USP50: variants seen among roughly 807,000 people sequenced by gnomAD.
USP50 encodes ubiquitin carboxyl-terminal hydrolase 50.
In USP50, 37 loss-of-function variants were observed where a neutral mutation model predicts 39.2. The ratio of observed to expected loss-of-function variants is 0.94; its 90% CI spans 0.73 to 1.24. USP50 has a LOEUF of 1.24. USP50 is among the 50% of genes most tolerant of loss of function. The pLI is 0.00. For synonymous variants in USP50, 139 were observed against 144.5 expected (o/e 0.96, Z 0.27); for missense variants, 374 against 398.2 (o/e 0.94, Z 0.52).
At chr15:50,497,237 G>A (rs185890032), downstream of USP50, 11 of 1,595,762 alleles carry the variant, frequency 6.9e-6, no homozygotes, top group East Asian at 2.0e-4. Flanking sequence ...AAACGGTAAA[G>A]GGGAAAGTTT....
chr15:50,526,718 C>CG (rs2052901230), intron 6 of USP50, among the ~76,000 whole-genome samples: 1 of 152,274 alleles, frequency 6.6e-6, no homozygotes, highest in Non-Finnish European at 1.5e-5. Flanking sequence ...CAATCAGAGG[C>CG]AGCACAATGT....
At position 50,546,499 on chromosome 15, in the gene USP50, T is replaced by A; in HGVS notation, c.27A>T (p.Ala9=). The part of the protein sequence containing the change: MTSQPSLP[A]DDFDIYHVLA... ...GGACGTGGTAGATATCGAAGTCATC[T>A]GCAGGGAGAGACGGCTGAGAAGTCA... The change falls in exon 1 of 7, where the codon GCA becomes GCT. Residue 9 remains alanine, a synonymous_variant. Coordinates refer to ENST00000532404, the MANE Select transcript of USP50 (RefSeq NM_203494.5). 1 of 1,613,800 alleles carries A rather than the reference T, an allele frequency of 6.2e-7. No individual in the cohort carries two copies. Among genetic ancestry groups the A allele is most frequent in the South Asian group, 1.1e-5 (1 of 91,086 alleles).
chr15:50,494,964 G>A (rs1038891190), intron 1 of USP50, among the ~76,000 whole-genome samples: 1 of 150,622 alleles, frequency 6.6e-6, no homozygotes. Flanking sequence ...GCAGTGAGCC[G>A]AGATTGCAGT....
At chr15:50,532,911 T>C (rs2141373160) in intron 5 of USP50, among the ~76,000 whole-genome samples, 1 of 152,318 alleles carries the variant, frequency 6.6e-6, no homozygotes, top group African/African-American at 2.4e-5. Context: ...ATGTGAAGAA[T>C]GCCTCTGATG....
chr15:50,516,809 G>C (rs1208337105), intron 6 of USP50, among the ~76,000 whole-genome samples: 1 of 151,622 alleles, frequency 6.6e-6, no homozygotes, highest in Non-Finnish European at 1.5e-5. Flanking sequence ...GTCAAAAACT[G>C]TAAACTGAGA....
At chr15:50,522,406 C>T (rs2052857550) in intron 6 of USP50, among the ~76,000 whole-genome samples, 1 of 152,118 alleles carries the variant, frequency 6.6e-6, no homozygotes, top group Non-Finnish European at 1.5e-5. Context: ...AATAAAGTCT[C>T]CCATCAAAGA....
intron 6 of USP50, among the ~76,000 whole-genome samples, chr15:50,523,175 C>CG (rs563895575): frequency 9.6e-6 from 1 of 104,208 alleles, no homozygotes; most frequent in Non-Finnish European, 1.8e-5. Context: ...AAATCAGTAG[C>CG]TTTTTTTTTT....
downstream of USP50, chr15:50,495,797 A>G (rs1023964901): frequency 5.7e-6 from 8 of 1,398,280 alleles, no homozygotes; most frequent in East Asian, 9.5e-5. Flanking sequence ...CTTTCAATTT[A>G]AATGTTTTCT....
chr15:50,494,139 A>C, intron 1 of USP50: 1 of 1,612,494 alleles, frequency 6.2e-7, no homozygotes, highest in Non-Finnish European at 8.5e-7. Flanking sequence ...CCCTGTGGAC[A>C]GGACAGTATA....
intron 6 of USP50, among the ~76,000 whole-genome samples, chr15:50,527,748 C>T (rs2052909910): frequency 6.6e-6 from 1 of 151,838 alleles, no homozygotes; most frequent in Non-Finnish European, 1.5e-5. Context: ...AATTCTCCTG[C>T]CTCAGCCTCC....
chr15:50,526,529 A>G (rs954479970), intron 6 of USP50, among the ~76,000 whole-genome samples: 1 of 152,220 alleles, frequency 6.6e-6, no homozygotes, highest in Non-Finnish European at 1.5e-5. Context: ...ATTTCCAAAT[A>G]TTTGAAGGAA....
chr15:50,532,023 C>T, intron 5 of USP50: 1 of 422,898 alleles, frequency 2.4e-6, no homozygotes, highest in Non-Finnish European at 4.7e-6. Flanking sequence ...AGAGCCAAAA[C>T]TGCCGAGCAG....
At chr15:50,513,481 C>T (rs908313026) in intron 6 of USP50, 35 of 144,724 alleles carry the variant, frequency 2.4e-4, no homozygotes, top group African/African-American at 8.7e-4. Context: ...AGGTGGATCA[C>T]CTGAGGTCAT....
intron 6 of USP50, chr15:50,513,739 G>A (rs986478642): frequency 4.6e-5 from 7 of 152,142 alleles, no homozygotes; most frequent in South Asian, 2.1e-4. Flanking sequence ...GCAACCAGAA[G>A]GGCCAAAACA....
chr15:50,508,910 G>A (rs1430449500), intron 6 of USP50: 3 of 151,506 alleles, frequency 2.0e-5, no homozygotes, highest in African/African-American at 4.8e-5. Flanking sequence ...CGAGGCGGGC[G>A]GATCACGAGG....
At chr15:50,505,013 T>A (rs2052640214) in intron 6 of USP50, 1 of 148,786 alleles carries the variant, frequency 6.7e-6, no homozygotes, top group South Asian at 2.1e-4. Flanking sequence ...AACTATAAAA[T>A]GAAGTTGGGG....
rs773421260 is a variant in USP50 at position 50,541,273 on chromosome 15, A to G, written c.445-9T>C. 5 of 1,607,054 alleles carry G rather than the reference A, an allele frequency of 3.1e-6. No homozygotes were observed. In the South Asian group the frequency reaches 5.5e-5, roughly 18 times the overall value. On this transcript the variant is annotated splice_polypyrimidine_tract_variant and intron_variant, in intron 3 of 6. Transcript: ENST00000532404. ...CTCCGGGAGTAGTGGTACTGAATCA[A>G]GGAGCAAATTTCACCCAAATTAATT...
chr15:50,498,742 T>G (rs780737503), downstream of USP50: 2 of 1,584,838 alleles, frequency 1.3e-6, no homozygotes, highest in Non-Finnish European at 1.7e-6. Flanking sequence ...AGTATCTCTT[T>G]GAACTGAAGA....
In USP50 at chr15:50,500,755, T is replaced by A; in HGVS notation, c.*14A>T. 6.3e-7 allele frequency: 1 copy of A among 1,579,552 alleles called. No individual in the cohort carries two copies. ...ATCTGGAATCTCACTGACTCGTGTGTTATCAAAGCTATATCAGGCCTGGGT... is the reference window on the plus strand; with the variant it reads ...ATCTGGAATCTCACTGACTCGTGTGATATCAAAGCTATATCAGGCCTGGGT... On this transcript the variant is annotated 3_prime_UTR_variant, in exon 7 of 7. Coordinates refer to ENST00000532404, the MANE Select transcript of USP50 (RefSeq NM_203494.5).
Sources: allele counts gnomAD v4.1 joint callset (sites outside exome capture counted in the v4.1 genomes callset), GRCh38; gene constraint gnomAD v4.1.1; transcripts MANE v1.5; gene names NCBI Gene and HGNC (gene_info 2026-07-23, HGNC 2026-07-21).